CNKSR3: variants seen among roughly 807,000 people sequenced by gnomAD.
CNKSR3 encodes the protein CNKSR family member 3.
CNKSR3 carries 36 observed loss-of-function variants against 67.7 expected under a neutral mutation model. The observed-to-expected ratio is 0.53, with a 90% CI of 0.41 to 0.70. CNKSR3 has a LOEUF of 0.70. Ranked by LOEUF, CNKSR3 falls within the 30% of genes least tolerant of loss-of-function variation. The pLI is 0.00. For missense variants in CNKSR3, 630 were observed against 695.2 expected, an observed-to-expected ratio of 0.91 and a Z score of 1.05; for synonymous variants, 281 against 271.4, an observed-to-expected ratio of 1.04 and a Z score of -0.35.
chr6:154,443,739 C>T (rs897713556), intron 2 of CNKSR3, among the ~76,000 whole-genome samples: 1 of 152,140 alleles, frequency 6.6e-6, no homozygotes, highest in Non-Finnish European at 1.5e-5. Context: ...CCTGTTTGTA[C>T]TCCAAGCTAC....
intron 1 of CNKSR3, among the ~76,000 whole-genome samples, chr6:154,467,352 A>T (rs1786225587): frequency 6.6e-6 from 1 of 151,508 alleles, no homozygotes; most frequent in South Asian, 2.1e-4. Flanking sequence ...AAACCAACTT[A>T]TATTTATTTA....
intron 1 of CNKSR3, among the ~76,000 whole-genome samples, chr6:154,470,699 G>A (rs1347321521): frequency 6.6e-6 from 1 of 152,008 alleles, no homozygotes. Flanking sequence ...TGGACACTTG[G>A]GTTTGTTTCC....
At chr6:154,468,854 C>T (rs993910094) in intron 1 of CNKSR3, among the ~76,000 whole-genome samples, 1 of 152,116 alleles carries the variant, frequency 6.6e-6, no homozygotes, top group Admixed American at 6.5e-5. Context: ...CCTCAGTTTC[C>T]TCAGCTTTAT....
Position 154,411,143 on chromosome 6 carries a change from C to G in CNKSR3, c.1071-1G>C. On this transcript the variant is annotated splice_acceptor_variant, in intron 10 of 12. Coordinates refer to ENST00000607772, the MANE Select transcript of CNKSR3 (RefSeq NM_173515.4). LOFTEE classifies it high-confidence loss of function. The stretch of plus-strand genomic sequence containing the variant: ...ATAAACAAAACTGCCATTCTCATCC[C>G]TGGAAGATAATATGGACAATAATTA... 1 of 1,602,518 alleles carries G rather than the reference C, an allele frequency of 6.2e-7. No individual in the cohort carries two copies. The highest frequency in any genetic ancestry group is 8.5e-7 in the Non-Finnish European group (1 of 1,170,624).
chr6:154,467,523 G>A (rs915801376), intron 1 of CNKSR3, among the ~76,000 whole-genome samples: 13 of 152,256 alleles, frequency 8.5e-5, no homozygotes, highest in African/African-American at 3.1e-4. Context: ...CGCCACAGCT[G>A]TTTAGTGACT....
chr6:154,409,297 T>G (rs1026366831), intron 12 of CNKSR3, among the ~76,000 whole-genome samples: 2 of 152,196 alleles, frequency 1.3e-5, no homozygotes, highest in Non-Finnish European at 2.9e-5. Flanking sequence ...TTTCAACAAC[T>G]GCAAAAACAA....
chr6:154,472,816 A>G (rs200387387), intron 1 of CNKSR3, among the ~76,000 whole-genome samples: 5 of 143,750 alleles, frequency 3.5e-5, no homozygotes, highest in African/African-American at 7.7e-5. Context: ...AAAAAAAAAA[A>G]GCAAAACAAC....
chr6:154,490,286 C>G (rs138258529), intron 1 of CNKSR3, among the ~76,000 whole-genome samples: 2 of 152,226 alleles, frequency 1.3e-5, no homozygotes, highest in East Asian at 3.9e-4. Flanking sequence ...GGTCTAAAAC[C>G]CAGTTAGTGC....
chr6:154,486,725 C>T (rs969652885), intron 1 of CNKSR3, among the ~76,000 whole-genome samples: 1 of 151,718 alleles, frequency 6.6e-6, no homozygotes, highest in African/African-American at 2.4e-5. Flanking sequence ...AACTCCTGAC[C>T]TCAGGTGATC....
rs1455101034 is a variant in CNKSR3, at chr6:154,403,071, T to A, written c.*3283A>T. 6.6e-6 allele frequency: 1 copy of A among 152,198 alleles called. No individual in the cohort carries two copies. The highest frequency in any genetic ancestry group is 2.4e-5 in the African/African-American group (1 of 41,444). The allele number at this position is 152,198 out of a possible 1,614,324, so 9.4% of individuals were successfully genotyped here. A position where few individuals can be genotyped will look rare whatever the true frequency, so the allele number is the denominator to read the frequency against. ...GGAGTGATGTTTTTATGAGTGAAGGTAAGCTTCATCATCCATGATTTTCAT... is the reference window on the plus strand; with the variant it reads ...GGAGTGATGTTTTTATGAGTGAAGGAAAGCTTCATCATCCATGATTTTCAT... On this transcript the variant is annotated 3_prime_UTR_variant, in exon 13 of 13. Transcript: ENST00000607772.
chr6:154,481,310 T>G (rs1408937267), intron 1 of CNKSR3, among the ~76,000 whole-genome samples: 1 of 152,202 alleles, frequency 6.6e-6, no homozygotes, highest in Non-Finnish European at 1.5e-5. Context: ...ATTTACTTAT[T>G]TATGCTTATT....
chr6:154,454,846 T>A (rs1004864373), intron 1 of CNKSR3, among the ~76,000 whole-genome samples: 3 of 151,858 alleles, frequency 2.0e-5, no homozygotes, highest in African/African-American at 7.3e-5. Context: ...AATAATAAAA[T>A]TTTTGAAAGA....
intron 1 of CNKSR3, among the ~76,000 whole-genome samples, chr6:154,454,572 A>G (rs1785911851): frequency 1.3e-5 from 2 of 152,184 alleles, no homozygotes; most frequent in Non-Finnish European, 2.9e-5. Context: ...GTCTCACTGC[A>G]GCATAGCAGC....
intron 1 of CNKSR3, among the ~76,000 whole-genome samples, chr6:154,479,116 C>A (rs1419873197): frequency 1.3e-5 from 2 of 151,858 alleles, no homozygotes; most frequent in East Asian, 3.9e-4. Flanking sequence ...TATACCCCCC[C>A]ATCCTTAGAA....
At position 154,392,630 on chromosome 6, in the gene CNKSR3, G is replaced by GC; in HGVS notation, c.*13723dup. 1 of 152,378 alleles carries GC rather than the reference G, an allele frequency of 6.6e-6. No homozygotes were observed. The highest frequency in any genetic ancestry group is 2.1e-4 in the South Asian group (1 of 4,830). 9.4% of individuals were successfully genotyped at this position (152,378 alleles called of 1,614,324 possible). On this transcript the variant is annotated 3_prime_UTR_variant, in exon 13 of 13. Coordinates refer to ENST00000607772, the MANE Select transcript of CNKSR3 (RefSeq NM_173515.4). ...GAAGGAGGCACCAGCCTCTCTATTG[G>GC]CATCATCAGAGGTTGTGTTTGCAGC... is the stretch of plus-strand genomic sequence containing the variant.
Position 154,510,215 on chromosome 6 carries a change from C to T in CNKSR3, c.-101G>A. ...CCGGGAGGGCGCGCCCGCGGCTGCT[C>T]CCCTGCGCCCGAGCGACTCCGTCAA... On this transcript the variant is annotated 5_prime_UTR_variant, in exon 1 of 13. Coordinates refer to ENST00000607772, the MANE Select transcript of CNKSR3 (RefSeq NM_173515.4). The T allele has an allele frequency of 1.4e-6, 2 of 1,395,818 alleles. No homozygotes were observed. Among genetic ancestry groups the T allele is most frequent in the South Asian group, 1.2e-5 (1 of 84,308 alleles). 86.5% of individuals were successfully genotyped at this position (1,395,818 alleles called of 1,614,324 possible). A position where few individuals can be genotyped will look rare whatever the true frequency, so the allele number is the denominator to read the frequency against.
At position 154,406,022 on chromosome 6, in the gene CNKSR3, T is replaced by C. The variant is rs548270161; in HGVS notation, c.*332A>G. On this transcript the variant is annotated 3_prime_UTR_variant, in exon 13 of 13. Transcript: ENST00000607772. ...CCCCCAGCCCCTCAAAAAGGAACAA[T>C]GCCACCAGTCCCTCACAATGACCAT... is the stretch of plus-strand genomic sequence containing the variant. The C allele has an allele frequency of 3.1e-4, 70 of 226,034 alleles. No homozygotes were observed. The highest frequency in any genetic ancestry group is 5.5e-4 in the Non-Finnish European group (63 of 114,758). The allele number at this position is 226,034 out of a possible 1,614,324, so 14.0% of individuals were successfully genotyped here.
intron 1 of CNKSR3, among the ~76,000 whole-genome samples, chr6:154,500,547 C>A (rs573374252): frequency 1.2e-4 from 18 of 152,270 alleles, no homozygotes; most frequent in South Asian, 8.3e-4. Context: ...AGCCTCCCTC[C>A]TTAAGTTCCC....
At chr6:154,455,493 T>C (rs1785933933) in intron 1 of CNKSR3, among the ~76,000 whole-genome samples, 1 of 151,988 alleles carries the variant, frequency 6.6e-6, no homozygotes, top group Non-Finnish European at 1.5e-5. Flanking sequence ...TTTCCTTTTT[T>C]TTTTTCAGAC....
Sources: allele counts gnomAD v4.1 joint callset (sites outside exome capture counted in the v4.1 genomes callset), GRCh38; gene constraint gnomAD v4.1.1; transcripts MANE v1.5; gene names NCBI Gene and HGNC (gene_info 2026-07-23, HGNC 2026-07-21).